SERPINB9: variants seen among roughly 807,000 people sequenced by gnomAD.
The protein encoded by SERPINB9 is serpin family B member 9.
In SERPINB9, 20 loss-of-function variants were observed where a neutral mutation model predicts 27.2. That is an observed-to-expected ratio of 0.74 (90% CI 0.52 to 1.07). The LOEUF (loss-of-function observed/expected upper bound fraction) is 1.07. SERPINB9 is among the 50% of genes least tolerant of loss of function. The pLI is 0.00. For synonymous variants in SERPINB9, 189 were observed against 180.0 expected (o/e 1.05, Z -0.40); for missense variants, 476 against 460.1 (o/e 1.03, Z -0.32).
intron 5 of SERPINB9, among the ~76,000 whole-genome samples, chr6:2,892,643 A>G (rs1229393859): frequency 6.6e-6 from 1 of 152,220 alleles, no homozygotes; most frequent in Non-Finnish European, 1.5e-5. Flanking sequence ...TATTATAAAA[A>G]TTAAAATAGT....
At chr6:2,900,883 T>TCACACACACACACA (rs1043594260) in intron 1 of SERPINB9, among the ~76,000 whole-genome samples, 4 of 26,528 alleles carry the variant, frequency 1.5e-4, no homozygotes, top group African/African-American at 1.3e-3. Flanking sequence ...GAGCTCGCTC[T>TCACACACACACACA]CTCACACACA....
At position 2,893,558 on chromosome 6, in the gene SERPINB9, C is replaced by T. The variant is rs759159548; in HGVS notation, c.425-5G>A. Reference sequence around the variant, plus strand: ...GCAACAACTCTTCAATTTTACCTTTCAAGAAAAGTAGAGACTACATTCAGT... The same window carrying T: ...GCAACAACTCTTCAATTTTACCTTTTAAGAAAAGTAGAGACTACATTCAGT... On this transcript the variant is annotated splice_region_variant and splice_polypyrimidine_tract_variant and intron_variant, in intron 4 of 6. Coordinates refer to ENST00000380698, the MANE Select transcript of SERPINB9 (RefSeq NM_004155.6). 4.3e-6 allele frequency: 7 copies of T among 1,611,614 alleles called. No individual in the cohort carries two copies. The South Asian group carries it at 7.7e-5, about 18-fold the overall frequency.
Position 2,892,537 on chromosome 6 carries a change from A to T in SERPINB9, c.568-549T>A, listed in dbSNP as rs1767846423. On this transcript the variant is annotated intron_variant, in intron 5 of 6. Transcript: ENST00000380698. ...TCAATTCTGATACTCTAATGAAATA[A>T]CTTTTTTAAAATACAGAAGAGGCAT... Among the ~76,000 whole-genome samples, 3 of 152,322 alleles carry T rather than the reference A, an allele frequency of 2.0e-5. No individual in the cohort carries two copies. In the East Asian group the frequency reaches 5.8e-4, roughly 29 times the overall value.
intron 2 of SERPINB9, among the ~76,000 whole-genome samples, chr6:2,896,873 C>T (rs1334847979): frequency 2.0e-5 from 3 of 152,206 alleles, no homozygotes; most frequent in African/African-American, 4.8e-5. Flanking sequence ...GGCACAGTGG[C>T]TCATGCCTAT....
At chr6:2,897,287 G>A (rs1186139375) in intron 2 of SERPINB9, among the ~76,000 whole-genome samples, 2 of 152,068 alleles carry the variant, frequency 1.3e-5, no homozygotes, top group Admixed American at 6.6e-5. Flanking sequence ...CCAAGATGGC[G>A]AAATCCTGTC....
intron 1 of SERPINB9, among the ~76,000 whole-genome samples, chr6:2,902,914 G>A (rs1217367257): frequency 6.6e-6 from 1 of 152,226 alleles, no homozygotes; most frequent in Non-Finnish European, 1.5e-5. Flanking sequence ...GGGCCGGCAG[G>A]TGGGGAGGAG....
At position 2,890,651 on chromosome 6, in the gene SERPINB9, C is replaced by T. The variant is rs1767768297; in HGVS notation, c.724-81G>A. 1.5e-6 allele frequency: 2 copies of T among 1,346,540 alleles called. No individual in the cohort carries two copies. Among genetic ancestry groups the T allele is most frequent in the Admixed American group, 2.1e-5 (1 of 47,814 alleles). 83.4% of individuals were successfully genotyped at this position (1,346,540 alleles called of 1,614,324 possible). On this transcript the variant is annotated intron_variant, in intron 6 of 6. Coordinates refer to ENST00000380698, the MANE Select transcript of SERPINB9 (RefSeq NM_004155.6). The surrounding 1 kb of genome is among the most constrained non-coding windows in gnomAD (Gnocchi z 6.2). ...CACAGGCACTCACAGTTCCCTTCCT[C>T]CCCTTGCACGTAGGTGTTGTTTGTT...
intron 2 of SERPINB9, among the ~76,000 whole-genome samples, chr6:2,896,666 G>A (rs752399478): frequency 6.6e-6 from 1 of 152,112 alleles, no homozygotes; most frequent in Non-Finnish European, 1.5e-5. Context: ...TGGGCCATAA[G>A]AAAAGTCTCA....
chr6:2,892,381 T>C (rs970817785), intron 5 of SERPINB9, among the ~76,000 whole-genome samples: 1 of 151,908 alleles, frequency 6.6e-6, no homozygotes, highest in African/African-American at 2.4e-5. Flanking sequence ...ACCCAACATA[T>C]GAGAAAAAAA....
chr6:2,896,031 T>C (rs1767985390), intron 3 of SERPINB9, 22 bp downstream of exon 3: 2 of 1,602,144 alleles, frequency 1.2e-6, no homozygotes, highest in African/African-American at 2.7e-5. Context: ...GCAACTTTTA[T>C]TGTTCTATTG....
Position 2,896,140 on chromosome 6 carries a change from A to G in SERPINB9, c.219T>C (p.Leu73=). 2 of 1,614,102 alleles carry G rather than the reference A, an allele frequency of 1.2e-6. No individual in the cohort carries two copies. The highest frequency in any genetic ancestry group is 1.7e-6 in the Non-Finnish European group (2 of 1,179,974). ...EEDIHRAFQS[L]LTEVNKAGTQ... ...TGCCAGCCTTGTTCACTTCAGTGAG[A>G]AGCGACTGGAAAGCCCGATGAATGT... Residue 73 remains leucine (L), a synonymous_variant, in exon 3 of 7, where the codon CTT becomes CTC. Coordinates refer to ENST00000380698, the MANE Select transcript of SERPINB9 (RefSeq NM_004155.6).
intron 4 of SERPINB9, 105 bp from the exon 5 acceptor site, chr6:2,893,658 T>C: frequency 9.7e-7 from 1 of 1,035,132 alleles, no homozygotes; most frequent in Non-Finnish European, 1.4e-6. Flanking sequence ...TTTTCAACTT[T>C]GCTGAGTTTG....
At position 2,890,278 on chromosome 6, in the gene SERPINB9, G is replaced by A. The variant is rs761869912; in HGVS notation, c.1016C>T (p.Ala339Val). Residue 339 changes from alanine (A) to valine (V), a missense_variant, in exon 7 of 7, where the codon GCA (alanine) becomes GTA (valine). Ala to Val is a moderately conservative substitution (Grantham distance 64). Transcript: ENST00000380698. The surrounding 1 kb of genome is among the most constrained non-coding windows in gnomAD (Gnocchi z 6.2). ...AAAASSCFVVAECCMESGPRF... is the reference protein window; with the variant it reads ...AAAASSCFVVVECCMESGPRF... ...GGGGCCAGATTCCATGCAGCACTCT[G>A]CAACTACAAAGCAGCTCGACGCTGC... The A allele has an allele frequency of 6.2e-7, 1 of 1,614,204 alleles. No individual in the cohort carries two copies. The highest frequency in any genetic ancestry group is 1.1e-5 in the South Asian group (1 of 91,080).
At chr6:2,898,380 A>G (rs1244528558) in intron 2 of SERPINB9, among the ~76,000 whole-genome samples, 3 of 152,244 alleles carry the variant, frequency 2.0e-5, no homozygotes, top group Non-Finnish European at 4.4e-5. Context: ...TGAGGCTGTG[A>G]CACCACTATT....
Position 2,890,684 on chromosome 6 carries a change from G to C in SERPINB9, c.724-114C>G. ...ACGTAGGTGTTGTTTGTTCACATAG[G>C]ATCAGTGGCCCCTTCATCTGCCAGA... is the stretch of plus-strand genomic sequence containing the variant. On this transcript the variant is annotated intron_variant, in intron 6 of 6. Coordinates refer to ENST00000380698, the MANE Select transcript of SERPINB9 (RefSeq NM_004155.6). The surrounding 1 kb of genome is among the most constrained non-coding windows in gnomAD (Gnocchi z 6.2). The C allele has an allele frequency of 1.0e-6, 1 of 989,730 alleles. No homozygotes were observed. Among genetic ancestry groups the C allele is most frequent in the East Asian group, 2.4e-5 (1 of 41,246 alleles). 61.3% of individuals were successfully genotyped at this position (989,730 alleles called of 1,614,324 possible). A position where few individuals can be genotyped will look rare whatever the true frequency, so the allele number is the denominator to read the frequency against.
rs1049678861 is a variant in SERPINB9, at chr6:2,888,082, A to T, written c.*2081T>A. Reference sequence around the variant, plus strand: ...TAGTTTGTACTTTAGTTTCTAGCTCATTACATAGGAAATGCAAATAAAAAA... The same window carrying T: ...TAGTTTGTACTTTAGTTTCTAGCTCTTTACATAGGAAATGCAAATAAAAAA... On this transcript the variant is annotated 3_prime_UTR_variant, in exon 7 of 7. Coordinates refer to ENST00000380698, the MANE Select transcript of SERPINB9 (RefSeq NM_004155.6). 18 of 152,180 alleles carry T rather than the reference A, an allele frequency of 1.2e-4. No homozygotes were observed. The highest frequency in any genetic ancestry group is 4.3e-4 in the African/African-American group (18 of 41,442). The allele number at this position is 152,180 out of a possible 1,614,324, so 9.4% of individuals were successfully genotyped here. A position where few individuals can be genotyped will look rare whatever the true frequency, so the allele number is the denominator to read the frequency against.
chr6:2,890,353 A>G lies in SERPINB9; in HGVS notation c.941T>C (p.Phe314Ser). ...SAERDLCLSK[F>S]VHKSFVEVNE... ...CACCTCCACAAAACTCTTGTGCACGAACTTGGACAGACACAGGTCTCTCTC... is the reference window on the plus strand; with the variant it reads ...CACCTCCACAAAACTCTTGTGCACGGACTTGGACAGACACAGGTCTCTCTC... Residue 314 changes from phenylalanine (F) to serine (S), a missense_variant, in exon 7 of 7, where the codon TTC becomes TCC. By Grantham distance (155) the Phe-to-Ser change is radical. Coordinates refer to ENST00000380698, the MANE Select transcript of SERPINB9 (RefSeq NM_004155.6). The surrounding 1 kb of genome is among the most constrained non-coding windows in gnomAD (Gnocchi z 6.2). The G allele has an allele frequency of 2.5e-6, 4 of 1,614,196 alleles. No homozygotes were observed. Among genetic ancestry groups the G allele is most frequent in the Non-Finnish European group, 3.4e-6 (4 of 1,180,026 alleles).
rs866646208 is a variant in SERPINB9 at position 2,889,205 on chromosome 6, T to C, written c.*958A>G. 1 of 152,106 alleles carries C rather than the reference T, an allele frequency of 6.6e-6. No homozygotes were observed. Among genetic ancestry groups the C allele is most frequent in the Admixed American group, 6.6e-5 (1 of 15,266 alleles). 9.4% of individuals were successfully genotyped at this position (152,106 alleles called of 1,614,324 possible). On this transcript the variant is annotated 3_prime_UTR_variant, in exon 7 of 7. Coordinates refer to ENST00000380698, the MANE Select transcript of SERPINB9 (RefSeq NM_004155.6). ...TACAATATCATAAAGAAAGATGTGA[T>C]CCCTACAAGAGGATTACGTGGTAAG...
chr6:2,897,393 G>C (rs1415553977), intron 2 of SERPINB9, among the ~76,000 whole-genome samples: 3 of 151,794 alleles, frequency 2.0e-5, no homozygotes, highest in Non-Finnish European at 2.9e-5. Flanking sequence ...TTGAACCCAG[G>C]AGGCGGAAGT....
Sources: gnomAD v4.1 joint callset for allele counts (sites outside exome capture counted in the v4.1 genomes callset) on GRCh38, gnomAD v4.1.1 for gene constraint, Gnocchi (gnomAD v3.1) non-coding constraint, MANE v1.5 for transcripts, NCBI Gene and HGNC (gene_info 2026-07-23, HGNC 2026-07-21) for gene names.